Variants in CDH18 observed in about 807,000 individuals in gnomAD.
The protein encoded by CDH18 is cadherin-18.
In CDH18, 31 loss-of-function variants were observed where a neutral mutation model predicts 67.9. That is an observed-to-expected ratio of 0.46 (90% CI 0.34 to 0.62). The LOEUF is 0.62. Among genes scored for constraint, CDH18 ranks in the 20% least tolerant of loss-of-function variants. CDH18 has a pLI of 0.01. For missense variants in CDH18, 890 were observed against 975.5 expected (o/e 0.91, Z 1.17); for synonymous variants, 362 against 347.2 (o/e 1.04, Z -0.48).
intron 2 of CDH18, among the ~76,000 whole-genome samples, chr5:20,240,796 A>G (rs1481033763): frequency 6.6e-6 from 1 of 152,098 alleles, no homozygotes; most frequent in African/African-American, 2.4e-5. Flanking sequence ...TTTTATTCTC[A>G]AGTTCTGCTT....
chr5:19,677,909 A>C (rs1286240774), intron 5 of CDH18, among the ~76,000 whole-genome samples: 1 of 152,020 alleles, frequency 6.6e-6, no homozygotes, highest in Non-Finnish European at 1.5e-5. Context: ...TTTGACAAGC[A>C]GACCTAACTT....
chr5:20,352,037 A>G (rs1741222097), intron 1 of CDH18, among the ~76,000 whole-genome samples: 1 of 152,158 alleles, frequency 6.6e-6, no homozygotes, highest in Admixed American at 6.5e-5. Flanking sequence ...ATAAAGCAGT[A>G]TTTAATCTTA....
chr5:19,994,824 A>G (rs1413546827), intron 2 of CDH18, among the ~76,000 whole-genome samples: 2 of 60,530 alleles, frequency 3.3e-5, no homozygotes, highest in African/African-American at 6.3e-5. Context: ...TGTATATATA[A>G]AGAGAATATA....
At position 19,513,303 on chromosome 5, in the gene CDH18, T is replaced by A. The variant is rs151258674; in HGVS notation, c.1512+7354A>T. ...TATTCTTGTGTCAGCTTTGACAAAC[T>A]TTACTTTTCTAAAAATATATGCATT... is the stretch of plus-strand genomic sequence containing the variant. On this transcript the variant is annotated intron_variant, in intron 10 of 12. Coordinates refer to ENST00000382275, the MANE Select transcript of CDH18 (RefSeq NM_004934.5). 3.7e-3 allele frequency among the ~76,000 whole-genome samples: 563 copies of A among 152,170 alleles called. 3 individuals carry two copies. The highest frequency in any genetic ancestry group is 0.012 in the African/African-American group (519 of 41,556).
intron 2 of CDH18, among the ~76,000 whole-genome samples, chr5:20,255,112 A>G (rs1000482922): frequency 2.6e-5 from 4 of 152,162 alleles, no homozygotes; most frequent in African/African-American, 9.7e-5. Flanking sequence ...AACAAAAGAC[A>G]TGGAAGACCA....
At chr5:19,935,853 CT>C (rs1700015881) in intron 2 of CDH18, among the ~76,000 whole-genome samples, 1 of 148,622 alleles carries the variant, frequency 6.7e-6, no homozygotes, top group Non-Finnish European at 1.5e-5. Context: ...CCAATGTCTT[CT>C]CAATGCTCAT....
intron 1 of CDH18, among the ~76,000 whole-genome samples, chr5:20,395,220 G>A (rs541553948): frequency 7.9e-5 from 12 of 152,284 alleles, no homozygotes; most frequent in African/African-American, 2.9e-4. Context: ...AGTGGATAAA[G>A]AAAATATGGC....
At chr5:20,135,207 T>C (rs964347809) in intron 2 of CDH18, among the ~76,000 whole-genome samples, 1 of 152,148 alleles carries the variant, frequency 6.6e-6, no homozygotes, top group African/African-American at 2.4e-5. Flanking sequence ...AGTAGAGTTT[T>C]GTTCTCCCAT....
At chr5:19,793,905 T>C (rs1237261564) in intron 3 of CDH18, among the ~76,000 whole-genome samples, 2 of 152,064 alleles carry the variant, frequency 1.3e-5, no homozygotes, top group East Asian at 3.9e-4. Flanking sequence ...TGCGAAGGAA[T>C]CACCTGTATA....
chr5:20,550,667 T>C (rs976693828), intron 1 of CDH18, among the ~76,000 whole-genome samples: 36 of 152,190 alleles, frequency 2.4e-4, no homozygotes, highest in Non-Finnish European at 1.2e-4. Context: ...TAATTTGGTT[T>C]AGGTTTAATA....
rs150716751 is a variant in CDH18, at chr5:19,637,342, A to G, written c.644-24741T>C. On this transcript the variant is annotated intron_variant, in intron 5 of 12. Coordinates refer to ENST00000382275, the MANE Select transcript of CDH18 (RefSeq NM_004934.5). ...CCAGGTGGATTGTTTAGAATTGGAC[A>G]CTCTAATATCACGGCTGCCATGCCA... Among the ~76,000 whole-genome samples the G allele has an allele frequency of 6.3e-3, 955 of 152,116 alleles. 9 individuals are homozygous for G. Among genetic ancestry groups the G allele is most frequent in the African/African-American group, 0.022 (916 of 41,514 alleles).
At chr5:20,432,932 T>C (rs988799273) in intron 1 of CDH18, among the ~76,000 whole-genome samples, 2 of 148,762 alleles carry the variant, frequency 1.3e-5, no homozygotes, top group East Asian at 3.9e-4. Flanking sequence ...ATAGATATAA[T>C]ATATATTTTA....
At position 20,157,235 on chromosome 5, in the gene CDH18, T is replaced by G. The variant is rs373269141; in HGVS notation, c.-518+98209A>C. Among the ~76,000 whole-genome samples the G allele has an allele frequency of 4.7e-4, 71 of 152,272 alleles. 3 individuals are homozygous for G. The South Asian group carries it at 0.014, about 30-fold the overall frequency. On this transcript the variant is annotated intron_variant, in intron 2 of 14. Transcript: ENST00000507958. ...TAGACTACAGTTGACCACAGGAAAC[T>G]GAAACTGCATTTGAAAAAGAAAAGC...
intron 2 of CDH18, among the ~76,000 whole-genome samples, chr5:20,172,221 T>TATATAC (rs1554098770): frequency 1.3e-5 from 1 of 78,346 alleles, no homozygotes; most frequent in African/African-American, 5.6e-5. Flanking sequence ...TATATATATA[T>TATATAC]ATGTATATAT....
upstream of CDH18, chr5:19,988,380 C>A (rs1004780444): frequency 6.4e-6 from 1 of 155,922 alleles, no homozygotes; most frequent in Non-Finnish European, 1.4e-5. Flanking sequence ...CTTCTCCCCC[C>A]CAACCCCCCA....
chr5:19,748,128 A>AAAAAAAAAAAAAAAAAAAAAAAAAT lies in CDH18; in HGVS notation c.229-893_229-892insATTTTTTTTTTTTTTTTTTTTTTTT, dbSNP rs1561215714. On this transcript the variant is annotated intron_variant, in intron 3 of 12. Transcript: ENST00000382275. ...ACTCCATCTCAAAAAAAAAAAAAAAAAAAAAGAGTACTTTTTTAGGGATAG... is the reference window on the plus strand; with the variant it reads ...ACTCCATCTCAAAAAAAAAAAAAAAAAAAAAAAAAAAAAAAAAAAAAAAATAAAAAGAGTACTTTTTTAGGGATAG... 2.8e-5 allele frequency among the ~76,000 whole-genome samples: 4 copies of AAAAAAAAAAAAAAAAAAAAAAAAAT among 144,730 alleles called. 2 individuals carry two copies. Among genetic ancestry groups the AAAAAAAAAAAAAAAAAAAAAAAAAT allele is most frequent in the South Asian group, 4.5e-4 (2 of 4,480 alleles). The allele number at this position is 144,730 out of a possible 152,430, so 94.9% of individuals were successfully genotyped here.
intron 2 of CDH18, among the ~76,000 whole-genome samples, chr5:19,970,088 T>C (rs1797879891): frequency 1.3e-5 from 2 of 151,812 alleles, no homozygotes; most frequent in South Asian, 4.2e-4. Context: ...GTTGATGAGC[T>C]GAACAGGGGA....
At chr5:19,917,440 G>C (rs751607038) in intron 2 of CDH18, among the ~76,000 whole-genome samples, 9 of 149,740 alleles carry the variant, frequency 6.0e-5, no homozygotes, top group Non-Finnish European at 1.2e-4. Context: ...ACTACTTTTA[G>C]CAACTAGGTA....
intron 1 of CDH18, among the ~76,000 whole-genome samples, chr5:20,271,759 C>T (rs561101098): frequency 3.3e-5 from 5 of 152,062 alleles, no homozygotes; most frequent in Non-Finnish European, 7.4e-5. Context: ...GATTTCCAGC[C>T]ATGACAACTG....
Sources: allele counts gnomAD v4.1 joint callset (sites outside exome capture counted in the v4.1 genomes callset), GRCh38; gene constraint gnomAD v4.1.1; transcripts MANE v1.5; gene names NCBI Gene and HGNC (gene_info 2026-07-23, HGNC 2026-07-21).